Variants in SNTG2 observed in about 807,000 individuals in gnomAD.
SNTG2 encodes the protein syntrophin gamma 2.
A neutral mutation model predicts 70.9 loss-of-function variants in SNTG2; 74 were observed. That is an observed-to-expected ratio of 1.04 (90% CI 0.86 to 1.27). SNTG2 has a LOEUF of 1.27. Among genes scored for constraint, SNTG2 ranks in the 50% most tolerant of loss-of-function variants. SNTG2 has a pLI of 0.00. For missense variants in SNTG2, 717 were observed against 690.7 expected (o/e 1.04, Z -0.43); for synonymous variants, 278 against 273.8 (o/e 1.02, Z -0.15).
At chr2:1,039,325 T>A (rs1661299994) in intron 1 of SNTG2, among the ~76,000 whole-genome samples, 1 of 152,234 alleles carries the variant, frequency 6.6e-6, no homozygotes, top group South Asian at 2.1e-4. Flanking sequence ...AGATTGCATT[T>A]TAAATACCGT....
chr2:1,169,274 G>C (rs577548506), intron 7 of SNTG2, among the ~76,000 whole-genome samples: 66 of 152,202 alleles, frequency 4.3e-4, no homozygotes, highest in African/African-American at 1.6e-3. Context: ...CAGAAAGCAG[G>C]GGGTGCTTTC....
chr2:1,238,780 TC>T (rs1163534063), intron 10 of SNTG2, among the ~76,000 whole-genome samples: 1 of 152,212 alleles, frequency 6.6e-6, no homozygotes, highest in Non-Finnish European at 1.5e-5. Flanking sequence ...CCTGCTCTGT[TC>T]CTTCGCAGCC....
chr2:1,038,923 A>G (rs1236549916), intron 1 of SNTG2, among the ~76,000 whole-genome samples: 1 of 152,200 alleles, frequency 6.6e-6, no homozygotes, highest in Non-Finnish European at 1.5e-5. Context: ...TTCCCAAGTG[A>G]GCTCATATTG....
chr2:1,321,389 C>T (rs896219548), intron 16 of SNTG2, among the ~76,000 whole-genome samples: 13 of 152,250 alleles, frequency 8.5e-5, no homozygotes, highest in South Asian at 4.1e-4. Context: ...CTGAAAATTA[C>T]GCCTCTGCCA....
At chr2:1,164,140 G>A (rs962253348) in intron 6 of SNTG2, among the ~76,000 whole-genome samples, 13 of 152,202 alleles carry the variant, frequency 8.5e-5, no homozygotes, top group African/African-American at 3.1e-4. Flanking sequence ...AGAGCAAGGT[G>A]GGCTACGCCT....
rs571731561 is a variant in SNTG2, at chr2:1,044,098, T to C, written c.73-39420T>C. 2.6e-5 allele frequency among the ~76,000 whole-genome samples: 4 copies of C among 152,286 alleles called. No homozygotes were observed. In the South Asian group the frequency reaches 8.3e-4, roughly 32 times the overall value. On this transcript the variant is annotated intron_variant, in intron 1 of 16. Transcript: ENST00000308624. ...TCTCATTTCCTTCAGCAGCATTTTG[T>C]AATTCTTATTGTAGGGAGCTTTCAC...
intron 9 of SNTG2, among the ~76,000 whole-genome samples, chr2:1,220,335 G>C (rs1558546509): frequency 6.6e-6 from 1 of 152,248 alleles, no homozygotes. Flanking sequence ...TTCTATCCAG[G>C]AGCATGAGAC....
intron 9 of SNTG2, among the ~76,000 whole-genome samples, chr2:1,210,854 GT>G (rs1449357912): frequency 1.3e-5 from 2 of 152,162 alleles, no homozygotes; most frequent in African/African-American, 4.8e-5. Context: ...TGCTGTACTG[GT>G]TTGTAGCCTA....
intron 9 of SNTG2, among the ~76,000 whole-genome samples, chr2:1,226,688 T>C (rs1013368574): frequency 3.3e-5 from 5 of 152,166 alleles, no homozygotes; most frequent in African/African-American, 1.2e-4. Context: ...TTAATTTTCT[T>C]CAGCTATAGG....
intron 9 of SNTG2, among the ~76,000 whole-genome samples, chr2:1,227,454 G>T (rs1277806126): frequency 6.6e-6 from 1 of 152,244 alleles, no homozygotes; most frequent in African/African-American, 2.4e-5. Context: ...CTCCGGAAGT[G>T]GAGGAGCCGC....
intron 1 of SNTG2, among the ~76,000 whole-genome samples, chr2:965,598 T>G (rs1432143067): frequency 6.6e-6 from 1 of 151,682 alleles, no homozygotes; most frequent in African/African-American, 2.4e-5. Flanking sequence ...CCCCTCCTCC[T>G]CCGTTGCCCC....
intron 7 of SNTG2, among the ~76,000 whole-genome samples, chr2:1,170,391 C>T (rs1671048037): frequency 6.6e-6 from 1 of 152,186 alleles, no homozygotes; most frequent in East Asian, 1.9e-4. Flanking sequence ...CGGACTCTCC[C>T]CACCCCAGCC....
chr2:1,236,838 T>C (rs1676691186), intron 9 of SNTG2, among the ~76,000 whole-genome samples: 1 of 152,190 alleles, frequency 6.6e-6, no homozygotes, highest in Admixed American at 6.5e-5. Context: ...TGATGACTTA[T>C]TTTTTTAAAA....
chr2:1,005,133 G>C (rs1470767461), intron 1 of SNTG2, among the ~76,000 whole-genome samples: 1 of 152,182 alleles, frequency 6.6e-6, no homozygotes, highest in African/African-American at 2.4e-5. Flanking sequence ...GGAAAAGGCA[G>C]AACTCTAGAG....
chr2:1,287,723 G>A (rs1475900723), intron 14 of SNTG2, among the ~76,000 whole-genome samples: 3 of 152,340 alleles, frequency 2.0e-5, no homozygotes, highest in East Asian at 1.9e-4. Flanking sequence ...AACTTCACGC[G>A]CTGACAGCGT....
At chr2:1,136,745 T>C (rs1300082755) in intron 4 of SNTG2, among the ~76,000 whole-genome samples, 1 of 152,226 alleles carries the variant, frequency 6.6e-6, no homozygotes, top group Non-Finnish European at 1.5e-5. Flanking sequence ...TGCAGAGTTG[T>C]TCAGTTGTAT....
At chr2:1,012,195 G>A (rs1227847877) in intron 1 of SNTG2, among the ~76,000 whole-genome samples, 11 of 152,232 alleles carry the variant, frequency 7.2e-5, no homozygotes, top group East Asian at 1.9e-4. Context: ...AACACTAAGC[G>A]TGGGGAACTG....
intron 1 of SNTG2, among the ~76,000 whole-genome samples, chr2:995,069 A>C (rs1373998589): frequency 2.6e-5 from 4 of 151,734 alleles, no homozygotes; most frequent in Non-Finnish European, 5.9e-5. Context: ...TTTCCTCCTA[A>C]TATTCCTTTG....
intron 14 of SNTG2, among the ~76,000 whole-genome samples, chr2:1,300,155 G>A (rs542112618): frequency 1.3e-3 from 187 of 141,338 alleles, no homozygotes; most frequent in African/African-American, 4.6e-3. Context: ...TGTTACCATC[G>A]CCGCTCTGAA....
Sources: allele counts gnomAD v4.1 joint callset (sites outside exome capture counted in the v4.1 genomes callset), GRCh38; gene constraint gnomAD v4.1.1; transcripts MANE v1.5; gene names NCBI Gene and HGNC (gene_info 2026-07-23, HGNC 2026-07-21).